Variants in TNRC18 observed in about 807,000 individuals in gnomAD.
The protein encoded by TNRC18 is trinucleotide repeat containing 18, also known as trinucleotide repeat-containing gene 18 protein.
TNRC18 carries 69 observed loss-of-function variants against 226.7 expected under a neutral mutation model. That is an observed-to-expected ratio of 0.30 (90% confidence interval 0.25 to 0.37). The LOEUF (loss-of-function observed/expected upper bound fraction) is 0.37, where lower values mean the gene tolerates loss of function less well. Ranked by LOEUF, TNRC18 falls within the 10% of genes least tolerant of loss-of-function variation. TNRC18 has a pLI of 1.00. For missense variants in TNRC18, 4,754 were observed against 4,256.6 expected, an observed-to-expected ratio of 1.12 and a Z score of -3.25; for synonymous variants, 2,449 against 1,927.6, an observed-to-expected ratio of 1.27 and a Z score of -7.09.
chr7:5,362,965 G>A (rs1159014929), intron 11 of TNRC18, 140 bp from the exon 12 acceptor site: 4 of 834,654 alleles, frequency 4.8e-6, no homozygotes, highest in Non-Finnish European at 7.0e-6. Flanking sequence ...AGAGGCCTTT[G>A]TGACATGCCG....
At chr7:5,410,166 C>A (rs1781748295) in intron 2 of TNRC18, among the ~76,000 whole-genome samples, 1 of 150,616 alleles carries the variant, frequency 6.6e-6, no homozygotes, top group Non-Finnish European at 1.5e-5. Flanking sequence ...CAAAAATTAG[C>A]CAGGCATGGT....
intron 16 of TNRC18, among the ~76,000 whole-genome samples, chr7:5,353,182 C>T (rs948186125): frequency 2.6e-5 from 4 of 152,148 alleles, no homozygotes; most frequent in African/African-American, 4.8e-5. Flanking sequence ...CTGTCCCTCC[C>T]GAGGCTGTGT....
At chr7:5,317,077 C>A (rs559551190) in intron 24 of TNRC18, among the ~76,000 whole-genome samples, 2 of 152,220 alleles carry the variant, frequency 1.3e-5, no homozygotes, top group South Asian at 4.2e-4. Context: ...GTACTATATC[C>A]CCAAGGATGT....
intron 2 of TNRC18, among the ~76,000 whole-genome samples, chr7:5,410,879 A>AG (rs1562636529): frequency 6.7e-6 from 1 of 150,120 alleles, no homozygotes; most frequent in Non-Finnish European, 1.5e-5. Flanking sequence ...AAAAAAAAAA[A>AG]AAAAAGGGAA....
intron 17 of TNRC18, among the ~76,000 whole-genome samples, chr7:5,348,918 A>C (rs1791492115): frequency 9.1e-6 from 1 of 109,970 alleles, no homozygotes; most frequent in African/African-American, 3.5e-5. Flanking sequence ...CCCCCACATC[A>C]GGTCTCCCTG....
chr7:5,372,687 C>T (rs189716490), intron 10 of TNRC18, among the ~76,000 whole-genome samples: 309 of 152,150 alleles, frequency 2.0e-3, no homozygotes, highest in Non-Finnish European at 3.5e-3. Context: ...TGCACGGCAG[C>T]CTGGGTGACA....
chr7:5,352,286 G>A (rs1791911675), intron 16 of TNRC18, among the ~76,000 whole-genome samples, 192 bp from the exon 17 acceptor site: 1 of 152,188 alleles, frequency 6.6e-6, no homozygotes, highest in African/African-American at 2.4e-5. Flanking sequence ...CTTCTCCCTT[G>A]CCCTGGGTGC....
intron 19 of TNRC18, among the ~76,000 whole-genome samples, chr7:5,331,527 G>A (rs920532385): frequency 6.6e-5 from 10 of 152,134 alleles, no homozygotes; most frequent in Admixed American, 2.6e-4. Context: ...TACCAGCAGC[G>A]CCGGTGAAAC....
In TNRC18 at chr7:5,332,972, T is replaced by C. The variant is rs1789705650; in HGVS notation, c.5797A>G (p.Lys1933Glu). 1 of 1,565,346 alleles carries C rather than the reference T, an allele frequency of 6.4e-7. No homozygotes were observed. Among genetic ancestry groups the C allele is most frequent in the African/African-American group, 1.3e-5 (1 of 74,266 alleles). ...KRSPAGLLRPKKGLGEPGPSL... is the reference protein window; with the variant it reads ...KRSPAGLLRPEKGLGEPGPSL... ...GGTCCCGGCTCCCCCAGCCCCTTCT[T>C]GGGCCGCAGCAGCCCCGCAGGCGAC... The change falls in exon 19 of 30, where the codon AAG becomes GAG. Residue 1933 changes from lysine to glutamate, a missense_variant. Lys to Glu is a moderately conservative substitution (Grantham distance 56). Transcript: ENST00000430969.
At chr7:5,340,148 G>T (rs1243783374) in intron 18 of TNRC18, among the ~76,000 whole-genome samples, 1 of 152,210 alleles carries the variant, frequency 6.6e-6, no homozygotes, top group Non-Finnish European at 1.5e-5. Context: ...TAGAAGCAAG[G>T]CCTCTTGTGC....
At chr7:5,339,229 C>CTTTTTTTTTTTTTTTTTTTT (rs199794938) in intron 18 of TNRC18, among the ~76,000 whole-genome samples, 2 of 142,624 alleles carry the variant, frequency 1.4e-5, no homozygotes, top group African/African-American at 2.6e-5. Flanking sequence ...CTTTTTTTTT[C>CTTTTTTTTTTTTTTTTTTTT]TTTTTTTTTT....
At chr7:5,368,534 C>T (rs570590456) in intron 11 of TNRC18, among the ~76,000 whole-genome samples, 7 of 151,526 alleles carry the variant, frequency 4.6e-5, no homozygotes, top group Admixed American at 3.3e-4. Flanking sequence ...CATGGTGGTG[C>T]GTGCCTGTAA....
rs1174893272 is a variant in TNRC18, at chr7:5,374,431, G to C, written c.2853C>G (p.Ser951Arg). The change falls in exon 10 of 30, where the codon AGC (serine) becomes AGG (arginine). Residue 951 changes from serine (S) to arginine (R), a missense_variant. By Grantham distance (110) the Ser-to-Arg change is moderately radical. Coordinates refer to ENST00000430969, the MANE Select transcript of TNRC18 (RefSeq NM_001080495.3). ...TGCCCGCAGCCTCCAGGCCCCGCTT[G>C]CTCCCCTTCTCTTCCATCTCCGCCC... ...EHRAEMEEKGSKRGLEAAGKA... is the reference protein window; with the variant it reads ...EHRAEMEEKGRKRGLEAAGKA... 1.9e-6 allele frequency: 3 copies of C among 1,544,510 alleles called. No individual in the cohort carries two copies. Among genetic ancestry groups the C allele is most frequent in the Admixed American group, 2.0e-5 (1 of 50,834 alleles).
At position 5,374,288 on chromosome 7, in the gene TNRC18, G is replaced by A. The variant is rs745830620; in HGVS notation, c.2996C>T (p.Ser999Phe). 6.8e-7 allele frequency: 1 copy of A among 1,469,046 alleles called. No individual in the cohort carries two copies. 91.0% of individuals were successfully genotyped at this position (1,469,046 alleles called of 1,614,324 possible). The part of the protein sequence containing the change: ...AVSPPPSPRA[S>F]PVAALKAKVI... ...CTTGGCCTTCAGGGCAGCCACAGGG[G>A]ATGCGCGGGGTGATGGTGGCGGGCT... The change falls in exon 10 of 30, where the codon TCC becomes TTC. Residue 999 changes from serine (S) to phenylalanine (F), a missense_variant. By Grantham distance (155) the Ser-to-Phe change is radical. Transcript: ENST00000430969.
Position 5,309,380 on chromosome 7 carries a change from C to T in TNRC18, c.8389-12G>A, listed in dbSNP as rs1489736370. On this transcript the variant is annotated splice_polypyrimidine_tract_variant and intron_variant, in intron 27 of 29. Coordinates refer to ENST00000430969, the MANE Select transcript of TNRC18 (RefSeq NM_001080495.3). The surrounding 1 kb of genome is among the most constrained non-coding windows in gnomAD (Gnocchi z 5.7). Reference sequence around the variant, plus strand: ...TTCATGCCACGCCGCTGCAAGGACACGTGTGTCACGGCACAGGCCCTGGCC... The same window carrying T: ...TTCATGCCACGCCGCTGCAAGGACATGTGTGTCACGGCACAGGCCCTGGCC... 6.3e-6 allele frequency: 10 copies of T among 1,597,754 alleles called. No homozygotes were observed. The highest frequency in any genetic ancestry group is 1.1e-5 in the South Asian group (1 of 88,712).
chr7:5,325,594 T>C, intron 19 of TNRC18: 1 of 269,550 alleles, frequency 3.7e-6, no homozygotes, highest in Non-Finnish European at 7.1e-6. Flanking sequence ...TGGCTAATGT[T>C]TTTGTATTTT....
intron 2 of TNRC18, among the ~76,000 whole-genome samples, chr7:5,397,552 T>C (rs997736099): frequency 1.3e-5 from 2 of 152,024 alleles, no homozygotes; most frequent in South Asian, 2.1e-4. Context: ...CTCTGTAAAA[T>C]GGACACACAA....
Position 5,370,985 on chromosome 7 carries a change from G to A in TNRC18, c.3609C>T (p.Ala1203=), listed in dbSNP as rs533300934. Residue 1203 remains alanine, a synonymous_variant, in exon 11 of 30, where the codon GCC becomes GCT. Coordinates refer to ENST00000430969, the MANE Select transcript of TNRC18 (RefSeq NM_001080495.3). ...TCTGCCCGGTGGCACTCAGCGCCTG[G>A]GCCTCCAACAGGCCACCTCCACAAC... is the stretch of plus-strand genomic sequence containing the variant. ...AGGCGGGLLE[A]QALSATGQSC... The A allele has an allele frequency of 5.5e-5, 89 of 1,606,398 alleles. 1 individual carries two copies. In the South Asian group the frequency reaches 9.4e-4, roughly 17 times the overall value.
At chr7:5,401,072 G>A (rs530764188) in intron 2 of TNRC18, among the ~76,000 whole-genome samples, 5 of 152,090 alleles carry the variant, frequency 3.3e-5, no homozygotes, top group South Asian at 4.2e-4. Flanking sequence ...GGCCAGGTGC[G>A]GTGGCTCACG....
Sources: allele counts gnomAD v4.1 joint callset (sites outside exome capture counted in the v4.1 genomes callset), GRCh38; gene constraint gnomAD v4.1.1; non-coding constraint Gnocchi (gnomAD v3.1); transcripts MANE v1.5; gene names NCBI Gene and HGNC (gene_info 2026-07-23, HGNC 2026-07-21).